The following BHLHA15 variants were observed in gnomAD, a reference collection of about 807,000 sequenced individuals.
The protein encoded by BHLHA15 is basic helix-loop-helix family member a15, also known as class A basic helix-loop-helix protein 15.
Under a neutral mutation model 10.4 loss-of-function variants are expected in BHLHA15, and 7 were observed. The ratio of observed to expected loss-of-function variants is 0.67; its 90% CI spans 0.38 to 1.26. BHLHA15 has a LOEUF of 1.26. Among genes scored for constraint, BHLHA15 ranks in the 50% most tolerant of loss-of-function variants. The probability of loss-of-function intolerance (pLI) is 0.02; values close to 1 mark genes in which losing one functional copy is unlikely to be tolerated. For missense variants in BHLHA15, 289 were observed against 287.4 expected (o/e 1.01, Z -0.04); for synonymous variants, 140 against 131.5 (o/e 1.06, Z -0.44).
At chr7:98,212,235 G>A in intron 1 of BHLHA15, 21 bp from the exon 2 acceptor site, 3 of 1,275,438 alleles carry the variant, frequency 2.4e-6, no homozygotes, top group Non-Finnish European at 2.0e-6. Context: ...ACCACAGAGT[G>A]TCCTGTGTTC....
Position 98,213,039 on chromosome 7 carries a change from G to A in BHLHA15, c.*160G>A. 1 of 721,528 alleles carries A rather than the reference G, an allele frequency of 1.4e-6. No individual in the cohort carries two copies. The highest frequency in any genetic ancestry group is 2.1e-6 in the Non-Finnish European group (1 of 468,878). 44.7% of individuals were successfully genotyped at this position (721,528 alleles called of 1,614,324 possible). ...CCCCGAACATTCAGCCACTTCCCTG[G>A]AGCAATTTTTCCTGCCCCGCTGGGG... On this transcript the variant is annotated 3_prime_UTR_variant, in exon 2 of 2. Coordinates refer to ENST00000609256, the MANE Select transcript of BHLHA15 (RefSeq NM_177455.4).
rs1177568029 is a variant in BHLHA15, at chr7:98,215,425, T to A, written c.*2546T>A. The A allele has an allele frequency of 6.6e-6, 1 of 152,172 alleles. No homozygotes were observed. The allele number at this position is 152,172 out of a possible 1,614,324, so 9.4% of individuals were successfully genotyped here. On this transcript the variant is annotated 3_prime_UTR_variant, in exon 2 of 2. Coordinates refer to ENST00000609256, the MANE Select transcript of BHLHA15 (RefSeq NM_177455.4). ...TTGATGCTGTGTCATAAAACAAAAA[T>A]AAAAGATTTCACAGCAATGTCTGCT... is the stretch of plus-strand genomic sequence containing the variant.
In BHLHA15 at chr7:98,212,301, T is replaced by C. The variant is rs1232763577; in HGVS notation, c.-9T>C. Reference sequence around the variant, plus strand: ...TGCCGCCACCTCCTAGGACAGCCAGTCCAGGGCCATGAAGACCAAGAACCG... The same window carrying C: ...TGCCGCCACCTCCTAGGACAGCCAGCCCAGGGCCATGAAGACCAAGAACCG... On this transcript the variant is annotated 5_prime_UTR_variant, in exon 2 of 2. Transcript: ENST00000609256. 2 of 1,354,308 alleles carry C rather than the reference T, an allele frequency of 1.5e-6. No individual in the cohort carries two copies. The highest frequency in any genetic ancestry group is 1.9e-6 in the Non-Finnish European group (2 of 1,051,646). The allele number at this position is 1,354,308 out of a possible 1,614,324, so 83.9% of individuals were successfully genotyped here.
Position 98,214,354 on chromosome 7 carries a change from C to T in BHLHA15, c.*1475C>T, listed in dbSNP as rs531908757. Among the ~76,000 whole-genome samples the T allele has an allele frequency of 1.3e-5, 2 of 152,362 alleles. No individual in the cohort carries two copies. Among genetic ancestry groups the T allele is most frequent in the African/African-American group, 2.4e-5 (1 of 41,582 alleles). ...ACTTTGTCAGAGGCCTGGTCTGGTC[C>T]TGGCCCTACCGCCCCAGCTGTCCTT... On this transcript the variant is annotated 3_prime_UTR_variant, in exon 2 of 2. Coordinates refer to ENST00000609256, the MANE Select transcript of BHLHA15 (RefSeq NM_177455.4).
At position 98,214,052 on chromosome 7, in the gene BHLHA15, T is replaced by G. The variant is rs1021453646; in HGVS notation, c.*1173T>G. On this transcript the variant is annotated 3_prime_UTR_variant, in exon 2 of 2. Transcript: ENST00000609256. Reference sequence around the variant, plus strand: ...CGGACTTGGCTACTGGACTCTCCCCTCCCTCATGCCTCTGCCCAGAGATGT... The same window carrying G: ...CGGACTTGGCTACTGGACTCTCCCCGCCCTCATGCCTCTGCCCAGAGATGT... 5.3e-5 allele frequency among the ~76,000 whole-genome samples: 8 copies of G among 152,130 alleles called. No individual in the cohort carries two copies. Among genetic ancestry groups the G allele is most frequent in the African/African-American group, 1.9e-4 (8 of 41,436 alleles).
In BHLHA15 at chr7:98,215,216, AG is replaced by A. The variant is rs967398222; in HGVS notation, c.*2338del. 9 of 152,204 alleles carry A rather than the reference AG, an allele frequency of 5.9e-5. No homozygotes were observed. Among genetic ancestry groups the A allele is most frequent in the African/African-American group, 1.2e-4 (5 of 41,456 alleles). 9.4% of individuals were successfully genotyped at this position (152,204 alleles called of 1,614,324 possible). On this transcript the variant is annotated 3_prime_UTR_variant, in exon 2 of 2. Transcript: ENST00000609256. Reference sequence around the variant, plus strand: ...GCCCCCGACAGACAGGCGCCCTGAGAGCTCCGAAGGCGCGATCCCCATCCCC... The same window carrying A: ...GCCCCCGACAGACAGGCGCCCTGAGACTCCGAAGGCGCGATCCCCATCCCC...
rs200960002 is a variant in BHLHA15 at position 98,212,487 on chromosome 7, C to T, written c.178C>T (p.Arg60Trp). 21 of 1,558,006 alleles carry T rather than the reference C, an allele frequency of 1.3e-5. No individual in the cohort carries two copies. The highest frequency in any genetic ancestry group is 9.5e-5 in the East Asian group (4 of 42,068). Residue 60 changes from arginine (R) to tryptophan (W), a missense_variant, in exon 2 of 2, where the codon CGG becomes TGG. Physicochemically the swap from Arg to Trp is moderately radical, Grantham distance 101 (BLOSUM62 -3). Coordinates refer to ENST00000609256, the MANE Select transcript of BHLHA15 (RefSeq NM_177455.4). ...GGCTCCGGGCGAGGGCAGGCGCAGGCGGCCAGGACCCTCCGGGCCCGGTGG... is the reference window on the plus strand; with the variant it reads ...GGCTCCGGGCGAGGGCAGGCGCAGGTGGCCAGGACCCTCCGGGCCCGGTGG... Reference protein sequence around the residue: ...ARAPGEGRRRRPGPSGPGGRR... With the variant: ...ARAPGEGRRRWPGPSGPGGRR...
In BHLHA15 at chr7:98,212,822, C is replaced by G; in HGVS notation, c.513C>G (p.Pro171=). Residue 171 remains proline (P), a synonymous_variant, in exon 2 of 2, where the codon CCC becomes CCG. Transcript: ENST00000609256. ...CGTTGGGGGCCACGGAGGCCCAGCCCCAGGGCCACCTGCAGAGGTACTCCA... is the reference window on the plus strand; with the variant it reads ...CGTTGGGGGCCACGGAGGCCCAGCCGCAGGGCCACCTGCAGAGGTACTCCA... The part of the protein sequence containing the change: ...GGALGATEAQ[P]QGHLQRYSTQ... The G allele has an allele frequency of 6.4e-7, 1 of 1,550,560 alleles. No individual in the cohort carries two copies. The highest frequency in any genetic ancestry group is 8.7e-7 in the Non-Finnish European group (1 of 1,150,604).
chr7:98,212,873 C>T lies in BHLHA15; in HGVS notation c.564C>T (p.Gly188=). 1 of 1,534,426 alleles carries T rather than the reference C, an allele frequency of 6.5e-7. No individual in the cohort carries two copies. Among genetic ancestry groups the T allele is most frequent in the Non-Finnish European group, 8.7e-7 (1 of 1,145,714 alleles). The change falls in exon 2 of 2, where the codon GGC becomes GGT. Residue 188 remains glycine (G), a synonymous_variant. Coordinates refer to ENST00000609256, the MANE Select transcript of BHLHA15 (RefSeq NM_177455.4). The part of the protein sequence containing the change: ...YSTQIHSFRE[G]T ...CGCAGATCCACAGCTTCCGAGAGGG[C>T]ACCTAGCGCCCAGTCCTGGGTGGGG...
In BHLHA15 at chr7:98,213,670, A is replaced by G. The variant is rs945598551; in HGVS notation, c.*791A>G. 6.6e-6 allele frequency among the ~76,000 whole-genome samples: 1 copy of G among 152,200 alleles called. No individual in the cohort carries two copies. Among genetic ancestry groups the G allele is most frequent in the Admixed American group, 6.5e-5 (1 of 15,286 alleles). On this transcript the variant is annotated 3_prime_UTR_variant, in exon 2 of 2. Transcript: ENST00000609256. ...TTCTGGGCATGGGAGAGAAGCCCCAAGGCCCTGGGTTGCTCCCCAAGAGCA... is the reference window on the plus strand; with the variant it reads ...TTCTGGGCATGGGAGAGAAGCCCCAGGGCCCTGGGTTGCTCCCCAAGAGCA...
chr7:98,212,807 C>T lies in BHLHA15; in HGVS notation c.498C>T (p.Ala166=). Reference sequence around the variant, plus strand: ...AGGTGGCTGGGGGTGCGTTGGGGGCCACGGAGGCCCAGCCCCAGGGCCACC... The same window carrying T: ...AGGTGGCTGGGGGTGCGTTGGGGGCTACGGAGGCCCAGCCCCAGGGCCACC... ...QQQVAGGALG[A]TEAQPQGHLQ... Residue 166 remains alanine (A), a synonymous_variant, in exon 2 of 2, where the codon GCC becomes GCT. Coordinates refer to ENST00000609256, the MANE Select transcript of BHLHA15 (RefSeq NM_177455.4). 1 of 1,548,288 alleles carries T rather than the reference C, an allele frequency of 6.5e-7. No homozygotes were observed. The highest frequency in any genetic ancestry group is 8.7e-7 in the Non-Finnish European group (1 of 1,149,060).
rs1438886254 is a variant in BHLHA15 at position 98,213,629 on chromosome 7, G to C, written c.*750G>C. Among the ~76,000 whole-genome samples the C allele has an allele frequency of 1.3e-5, 2 of 152,174 alleles. No homozygotes were observed. The highest frequency in any genetic ancestry group is 4.8e-5 in the African/African-American group (2 of 41,440). ...ACTGGAGCAGGAGACAGGGCTGGGT[G>C]TTCCTGGTGCAGCCCTTCTGGGCAT... is the stretch of plus-strand genomic sequence containing the variant. On this transcript the variant is annotated 3_prime_UTR_variant, in exon 2 of 2. Transcript: ENST00000609256.
chr7:98,213,005 T>G lies in BHLHA15; in HGVS notation c.*126T>G. The G allele has an allele frequency of 1.1e-6, 1 of 908,366 alleles. No individual in the cohort carries two copies. The highest frequency in any genetic ancestry group is 1.6e-6 in the Non-Finnish European group (1 of 631,332). The allele number at this position is 908,366 out of a possible 1,614,324, so 56.3% of individuals were successfully genotyped here. ...CCCACAAGGACACGGCCTCAGCGGT[T>G]CCATTTTCCCCCGAACATTCAGCCA... is the stretch of plus-strand genomic sequence containing the variant. On this transcript the variant is annotated 3_prime_UTR_variant, in exon 2 of 2. Transcript: ENST00000609256.
At position 98,214,271 on chromosome 7, in the gene BHLHA15, AC is replaced by A. The variant is rs536637608; in HGVS notation, c.*1393del. 1.6e-4 allele frequency among the ~76,000 whole-genome samples: 24 copies of A among 152,348 alleles called. No homozygotes were observed. The South Asian group carries it at 5.0e-3, about 32-fold the overall frequency. ...TCTGGCATTGGCAGCTTCAGGCCTA[AC>A]TTTCCTGGTCAGGGCCCCTTAAGGT... On this transcript the variant is annotated 3_prime_UTR_variant, in exon 2 of 2. Transcript: ENST00000609256.
chr7:98,212,453 C>T lies in BHLHA15; in HGVS notation c.144C>T (p.Ala48=), dbSNP rs573127751. 2.9e-4 allele frequency: 438 copies of T among 1,536,708 alleles called. 1 individual carries two copies. The highest frequency in any genetic ancestry group is 3.5e-4 in the Non-Finnish European group (396 of 1,141,342). The change falls in exon 2 of 2, where the codon GCC becomes GCT. Residue 48 remains alanine (A), a synonymous_variant. Transcript: ENST00000609256. Reference sequence around the variant, plus strand: ...GTCTGCGGAGCCGGCCGGCCCGGGCCGCAGCAAGGGCTCCGGGCGAGGGCA... The same window carrying T: ...GTCTGCGGAGCCGGCCGGCCCGGGCTGCAGCAAGGGCTCCGGGCGAGGGCA... ...AKGLRSRPAR[A]AARAPGEGRR...
intron 1 of BHLHA15, 87 bp downstream of exon 1, chr7:98,211,585 G>GGTTGTGGGT (rs1373007924): frequency 4.6e-5 from 7 of 152,042 alleles, no homozygotes; most frequent in African/African-American, 1.5e-4. Flanking sequence ...GGGTTGTGGG[G>GGTTGTGGGT]GCTGTGGGGA....
At chr7:98,211,710 GCC>G (rs1797908833) in intron 1 of BHLHA15, among the ~76,000 whole-genome samples, 1 of 151,914 alleles carries the variant, frequency 6.6e-6, no homozygotes, top group Admixed American at 6.6e-5. Context: ...CTCCACGGCT[GCC>G]CCATGTCCGC....
At position 98,214,253 on chromosome 7, in the gene BHLHA15, T is replaced by C. The variant is rs1797951616; in HGVS notation, c.*1374T>C. ...CAGGTAACACCCTGAGGATCTGGCA[T>C]TGGCAGCTTCAGGCCTAACTTTCCT... is the stretch of plus-strand genomic sequence containing the variant. On this transcript the variant is annotated 3_prime_UTR_variant, in exon 2 of 2. Coordinates refer to ENST00000609256, the MANE Select transcript of BHLHA15 (RefSeq NM_177455.4). 6.6e-6 allele frequency among the ~76,000 whole-genome samples: 1 copy of C among 152,224 alleles called. No homozygotes were observed. The highest frequency in any genetic ancestry group is 2.4e-5 in the African/African-American group (1 of 41,464).
chr7:98,212,574 C>G lies in BHLHA15; in HGVS notation c.265C>G (p.His89Asp). 1 of 1,604,316 alleles carries G rather than the reference C, an allele frequency of 6.2e-7. No homozygotes were observed. Among genetic ancestry groups the G allele is most frequent in the Non-Finnish European group, 8.5e-7 (1 of 1,177,250 alleles). ...CAACGAGAGGGAGCGGCAGCGGATGCACAAGCTAAATAACGCCTTCCAGGC... is the reference window on the plus strand; with the variant it reads ...CAACGAGAGGGAGCGGCAGCGGATGGACAAGCTAAATAACGCCTTCCAGGC... ...ESNERERQRMHKLNNAFQALR... is the reference protein window; with the variant it reads ...ESNERERQRMDKLNNAFQALR... The change falls in exon 2 of 2, where the codon CAC (histidine) becomes GAC (aspartate). Residue 89 changes from histidine (H) to aspartate (D), a missense_variant. Physicochemically the swap from His to Asp is moderately conservative, Grantham distance 81. Coordinates refer to ENST00000609256, the MANE Select transcript of BHLHA15 (RefSeq NM_177455.4).
Sources: gnomAD v4.1 joint callset for allele counts (sites outside exome capture counted in the v4.1 genomes callset) on GRCh38, gnomAD v4.1.1 for gene constraint, MANE v1.5 for transcripts, NCBI Gene and HGNC (gene_info 2026-07-23, HGNC 2026-07-21) for gene names.